ABCC11: variants seen among roughly 807,000 people sequenced by gnomAD.
ABCC11 encodes the protein ATP binding cassette subfamily C member 11.
In ABCC11, 135 loss-of-function variants were observed where a neutral mutation model predicts 149.3. The observed-to-expected ratio is 0.90, with a 90% CI of 0.79 to 1.04. The LOEUF (loss-of-function observed/expected upper bound fraction) is 1.04. Among genes scored for constraint, ABCC11 ranks in the 50% least tolerant of loss-of-function variants. The pLI is 0.00. For synonymous variants in ABCC11, 665 were observed against 671.4 expected (o/e 0.99, Z 0.15); for missense variants, 1,680 against 1,722.1 (o/e 0.98, Z 0.43).
chr16:48,175,480 C>T (rs1039429128), intron 25 of ABCC11, 63 bp from the exon 26 acceptor site: 6 of 1,535,408 alleles, frequency 3.9e-6, no homozygotes, highest in African/African-American at 1.4e-5. Context: ...AAGCACAGAT[C>T]GCACCTGGCG....
intron 11 of ABCC11, 119 bp from the exon 12 acceptor site, chr16:48,208,615 C>G: frequency 9.1e-7 from 1 of 1,094,458 alleles, no homozygotes; most frequent in South Asian, 1.5e-5. Context: ...AATAACCACA[C>G]AGAGCCCAAG....
intron 1 of ABCC11, among the ~76,000 whole-genome samples, chr16:48,237,462 A>G (rs1284216868): frequency 6.6e-6 from 1 of 152,212 alleles, no homozygotes. Flanking sequence ...CTTGACAGCA[A>G]CTGCTCCTAG....
chr16:48,189,886 G>A lies in ABCC11; in HGVS notation c.2707-2459C>T, dbSNP rs1966856746. ...TGCATTCAGTCTACAAGGAACGATG[G>A]GCCGCTCCTCACCTCCTGCGTCTCC... On this transcript the variant is annotated intron_variant, in intron 20 of 29. Coordinates refer to ENST00000356608, the MANE Select transcript of ABCC11 (RefSeq NM_001370497.1). Among the ~76,000 whole-genome samples the A allele has an allele frequency of 2.0e-5, 3 of 152,064 alleles. No individual in the cohort carries two copies. The South Asian group carries it at 6.2e-4, about 32-fold the overall frequency.
chr16:48,245,966 A>AT (rs1422338551), intron 1 of ABCC11, among the ~76,000 whole-genome samples: 1 of 152,002 alleles, frequency 6.6e-6, no homozygotes, highest in Non-Finnish European at 1.5e-5. Flanking sequence ...GTTATCCCTT[A>AT]TTTTTAAATT....
chr16:48,236,852 T>C (rs1452035489), intron 1 of ABCC11, among the ~76,000 whole-genome samples: 2 of 152,214 alleles, frequency 1.3e-5, no homozygotes, highest in African/African-American at 2.4e-5. Context: ...ATCCAGCCAT[T>C]ATTATGTGAA....
rs955971459 is a variant in ABCC11, at chr16:48,167,308, G to T, written c.4115C>A (p.Ala1372Asp). The change falls in exon 30 of 30, where the codon GCC becomes GAC. Residue 1372 changes from alanine to aspartate, a missense_variant. By Grantham distance (126) the Ala-to-Asp change is moderately radical. Coordinates refer to ENST00000356608, the MANE Select transcript of ABCC11 (RefSeq NM_001370497.1). Reference protein sequence around the residue: ...LRKKPGSLFAALMATATSSLR With the variant: ...LRKKPGSLFADLMATATSSLR ...TGAAGAAGTGGCTGTGGCCATGAGG[G>T]CTGCGAACAATGACCCAGGCTTCTT... The T allele has an allele frequency of 3.4e-6, 3 of 885,108 alleles. No individual in the cohort carries two copies. The highest frequency in any genetic ancestry group is 5.8e-6 in the Non-Finnish European group (3 of 513,374). 54.8% of individuals were successfully genotyped at this position (885,108 alleles called of 1,614,324 possible).
At chr16:48,243,207 C>T (rs962155459) in intron 1 of ABCC11, among the ~76,000 whole-genome samples, 2 of 151,694 alleles carry the variant, frequency 1.3e-5, no homozygotes, top group African/African-American at 4.8e-5. Context: ...TGAGACCATC[C>T]TGGCTAACAT....
At position 48,198,021 on chromosome 16, in the gene ABCC11, T is replaced by A; in HGVS notation, c.2264A>T (p.Glu755Val). The A allele has an allele frequency of 6.2e-7, 1 of 1,614,220 alleles. No homozygotes were observed. The highest frequency in any genetic ancestry group is 8.5e-7 in the Non-Finnish European group (1 of 1,180,038). Residue 755 changes from glutamate (E) to valine (V), a missense_variant, in exon 17 of 30, where the codon GAA becomes GTA. Glu to Val is a moderately radical substitution (Grantham distance 121, BLOSUM62 -2). Transcript: ENST00000356608. Reference protein sequence around the residue: ...TAKIAEKPKVESQALATSLEE... With the variant: ...TAKIAEKPKVVSQALATSLEE... Reference sequence around the variant, plus strand: ...CAGGGAGGTGGCCAGAGCCTGACTTTCTACCTTTGGCTTCTCTGCTATCTT... The same window carrying A: ...CAGGGAGGTGGCCAGAGCCTGACTTACTACCTTTGGCTTCTCTGCTATCTT...
intron 11 of ABCC11, 118 bp from the exon 12 acceptor site, chr16:48,208,614 A>C (rs1968650044): frequency 1.4e-5 from 15 of 1,063,752 alleles, no homozygotes; most frequent in Non-Finnish European, 1.8e-5. Flanking sequence ...AAATAACCAC[A>C]CAGAGCCCAA....
chr16:48,217,252 CT>C (rs1245925282), intron 6 of ABCC11, among the ~76,000 whole-genome samples: 1 of 151,906 alleles, frequency 6.6e-6, no homozygotes, highest in Admixed American at 6.6e-5. Context: ...AAATTTTCTC[CT>C]TTTTTTTCTT....
chr16:48,215,983 G>C, intron 7 of ABCC11, 131 bp downstream of exon 7: 1 of 979,576 alleles, frequency 1.0e-6, no homozygotes, highest in Non-Finnish European at 1.5e-6. Flanking sequence ...GTAGGGAGTG[G>C]AGCTGAATCT....
At chr16:48,165,411 TCTC>T (rs1253422996), downstream of ABCC11, among the ~76,000 whole-genome samples, 16 of 152,204 alleles carry the variant, frequency 1.1e-4, no homozygotes, top group Non-Finnish European at 1.0e-4. Context: ...GCACCGGACT[TCTC>T]CTGTTCCGTC....
rs34389954 is a variant in ABCC11 at position 48,184,840 on chromosome 16, C to T, written c.3072-214G>A. On this transcript the variant is annotated intron_variant, in intron 22 of 29. Coordinates refer to ENST00000356608, the MANE Select transcript of ABCC11 (RefSeq NM_001370497.1). ...CCTAACCCAGATTGAGGAGTAGGCTCTGCTGCTAAGGCCCATCCTTAGCAC... is the reference window on the plus strand; with the variant it reads ...CCTAACCCAGATTGAGGAGTAGGCTTTGCTGCTAAGGCCCATCCTTAGCAC... Among the ~76,000 whole-genome samples, 54 of 152,358 alleles carry T rather than the reference C, an allele frequency of 3.5e-4. No homozygotes were observed. The East Asian group carries it at 0.01, about 28-fold the overall frequency.
At chr16:48,232,458 A>G (rs1439652529) in intron 1 of ABCC11, among the ~76,000 whole-genome samples, 1 of 152,210 alleles carries the variant, frequency 6.6e-6, no homozygotes, top group Non-Finnish European at 1.5e-5. Flanking sequence ...TGAATGAAAG[A>G]AACATCATTT....
rs920346474 is a variant in ABCC11, at chr16:48,170,835, C to T, written c.3777+54G>A. On this transcript the variant is annotated intron_variant, in intron 27 of 29. Transcript: ENST00000356608. ...CATGAGAGGAGCCCCAAAGGGGCAGCCCCCCATGGGCGATGCAGACTTAGA... is the reference window on the plus strand; with the variant it reads ...CATGAGAGGAGCCCCAAAGGGGCAGTCCCCCATGGGCGATGCAGACTTAGA... The T allele has an allele frequency of 2.6e-5, 39 of 1,520,254 alleles. No individual in the cohort carries two copies. In the East Asian group the frequency reaches 8.1e-4, roughly 32 times the overall value. 94.2% of individuals were successfully genotyped at this position (1,520,254 alleles called of 1,614,324 possible).
At chr16:48,228,674 G>GTACATTTATA (rs1970239472) in intron 3 of ABCC11, among the ~76,000 whole-genome samples, 1 of 152,156 alleles carries the variant, frequency 6.6e-6, no homozygotes, top group South Asian at 2.1e-4. Flanking sequence ...AAAACAGTAT[G>GTACATTTATA]TACATTTATA....
chr16:48,192,612 G>A lies in ABCC11; in HGVS notation c.2614C>T (p.Leu872Phe), dbSNP rs1478017057. 6 of 1,614,112 alleles carry A rather than the reference G, an allele frequency of 3.7e-6. No individual in the cohort carries two copies. The highest frequency in any genetic ancestry group is 4.2e-6 in the Non-Finnish European group (5 of 1,180,052). ...GAGCAGACCCCCACACAGATGAGGA[G>A]CAGGGCGTTGAGCCCGTACACCAGC... ...YQLVYGLNAL[L>F]LICVGVCSSG... Residue 872 changes from leucine to phenylalanine, a missense_variant, in exon 20 of 30, where the codon CTC becomes TTC. Physicochemically the swap from Leu to Phe is conservative, Grantham distance 22. Transcript: ENST00000356608.
In ABCC11 at chr16:48,198,180, A is replaced by T. The variant is rs1223957720; in HGVS notation, c.2178T>A (p.Tyr726Ter). Residue 726 changes from tyrosine to a stop codon, truncating the protein, a stop_gained, in exon 16 of 30, where the codon TAT becomes TAA. Transcript: ENST00000356608. LOFTEE classifies it high-confidence loss of function. ...TGTGCATCTTCTGGATAAGTTGGGC[A>T]TATTTCCCCTTTTTCTGCATTAACT... is the stretch of plus-strand genomic sequence containing the variant. Reference protein sequence around the residue: ...HSELMQKKGKYAQLIQKMHKE... With the variant: ...HSELMQKKGK The T allele has an allele frequency of 6.2e-7, 1 of 1,614,220 alleles. No individual in the cohort carries two copies. The highest frequency in any genetic ancestry group is 1.7e-5 in the Admixed American group (1 of 60,024).
intron 8 of ABCC11, 30 bp from the exon 9 acceptor site, chr16:48,215,059 A>T: frequency 6.2e-7 from 1 of 1,611,118 alleles, no homozygotes; most frequent in East Asian, 2.2e-5. Flanking sequence ...TACACCAAAG[A>T]TAACCACAAG....
Sources: allele counts gnomAD v4.1 joint callset (sites outside exome capture counted in the v4.1 genomes callset), GRCh38; gene constraint gnomAD v4.1.1; transcripts MANE v1.5; gene names NCBI Gene and HGNC (gene_info 2026-07-23, HGNC 2026-07-21).